Variants in LTF observed in about 807,000 individuals in gnomAD.
LTF encodes the protein lactotransferrin, also known as epididymis luminal protein 110.
Under a neutral mutation model 87.2 loss-of-function variants are expected in LTF, and 91 were observed. The observed-to-expected ratio is 1.04, with a 90% CI of 0.88 to 1.24. LTF has a LOEUF of 1.24. Among genes scored for constraint, LTF ranks in the 50% most tolerant of loss-of-function variants. LTF has a pLI of 0.00. For missense variants in LTF, 901 were observed against 904.3 expected, an observed-to-expected ratio of 1.00 and a Z score of 0.05; for synonymous variants, 378 against 356.1, an observed-to-expected ratio of 1.06 and a Z score of -0.69.
At chr3:46,440,703 A>C in intron 14 of LTF, among the ~76,000 whole-genome samples, 1 of 152,236 alleles carries the variant, frequency 6.6e-6, no homozygotes, top group East Asian at 1.9e-4. Flanking sequence ...AGTGGCTGAG[A>C]CTGCAGTGAT....
chr3:46,449,103 C>G lies in LTF; in HGVS notation c.1058-86G>C, dbSNP rs950114574. 3 of 1,311,124 alleles carry G rather than the reference C, an allele frequency of 2.3e-6. No homozygotes were observed. In the African/African-American group the frequency reaches 4.4e-5, roughly 19 times the overall value. 81.2% of individuals were successfully genotyped at this position (1,311,124 alleles called of 1,614,324 possible). ...CCCCAGAGCCAGGGTCCTGCCCAGACTCTCCCTGGAACAGGAGCTACAGTA... is the reference window on the plus strand; with the variant it reads ...CCCCAGAGCCAGGGTCCTGCCCAGAGTCTCCCTGGAACAGGAGCTACAGTA... On this transcript the variant is annotated intron_variant, in intron 8 of 16. Coordinates refer to ENST00000231751, the MANE Select transcript of LTF (RefSeq NM_002343.6).
rs139895902 is a variant in LTF at position 46,455,323 on chromosome 3, G to A, written c.619C>T (p.Pro207Ser). ...ENKCAFSSQE[P>S]YFSYSGAFKC... Reference sequence around the variant, plus strand: ...AAGGCACCAGAGTAGCTGAAGTACGGTTCCTGGGAGGAGAAGGCACATTTG... The same window carrying A: ...AAGGCACCAGAGTAGCTGAAGTACGATTCCTGGGAGGAGAAGGCACATTTG... Residue 207 changes from proline (P) to serine (S), a missense_variant, in exon 5 of 17, where the codon CCG becomes TCG. Pro to Ser is a moderately conservative substitution (Grantham distance 74). Coordinates refer to ENST00000231751, the MANE Select transcript of LTF (RefSeq NM_002343.6). 2 of 1,614,252 alleles carry A rather than the reference G, an allele frequency of 1.2e-6. No individual in the cohort carries two copies. The highest frequency in any genetic ancestry group is 1.1e-5 in the South Asian group (1 of 91,092).
intron 1 of LTF, among the ~76,000 whole-genome samples, chr3:46,482,574 GGAAAGGA>G (rs1575330698): frequency 9.0e-6 from 1 of 110,632 alleles, no homozygotes; most frequent in African/African-American, 3.1e-5. Context: ...GGAAGGGAAA[GGAAAGGA>G]AGGGAGAAAG....
chr3:46,448,869 C>T lies in LTF; in HGVS notation c.1206G>A (p.Leu402=). Reference sequence around the variant, plus strand: ...CTGTGATGGAGCTCCCTACCAGCACCAGGGCGATGCAGTCCTCTGTGGTGG... The same window carrying T: ...CTGTGATGGAGCTCCCTACCAGCACTAGGGCGATGCAGTCCTCTGTGGTGG... ...SASTTEDCIA[L]VLKGEADAMS... Residue 402 remains leucine (L), a synonymous_variant, in exon 9 of 17, where the codon CTG becomes CTA. Coordinates refer to ENST00000231751, the MANE Select transcript of LTF (RefSeq NM_002343.6). 6.2e-7 allele frequency: 1 copy of T among 1,612,666 alleles called. No individual in the cohort carries two copies. The highest frequency in any genetic ancestry group is 8.5e-7 in the Non-Finnish European group (1 of 1,179,630).
Position 46,456,274 on chromosome 3 carries a change from C to A in LTF, c.316+16G>T. 6.2e-7 allele frequency: 1 copy of A among 1,611,574 alleles called. No individual in the cohort carries two copies. Among genetic ancestry groups the A allele is most frequent in the Admixed American group, 1.7e-5 (1 of 60,006 alleles). On this transcript the variant is annotated intron_variant, in intron 3 of 16. Coordinates refer to ENST00000231751, the MANE Select transcript of LTF (RefSeq NM_002343.6). ...CTGAGGCCACCGTGGCCTCTGGGTC[C>A]CCAGGCAGAACTCACGTCTTTCGGT...
intron 1 of LTF, among the ~76,000 whole-genome samples, chr3:46,478,410 C>A (rs1330389762): frequency 6.6e-6 from 1 of 152,192 alleles, no homozygotes; most frequent in Non-Finnish European, 1.5e-5. Context: ...GGCTGAAGGT[C>A]GCTATGTTGG....
chr3:46,462,719 G>A (rs765144037), intron 1 of LTF, among the ~76,000 whole-genome samples: 2 of 152,150 alleles, frequency 1.3e-5, no homozygotes, highest in Non-Finnish European at 2.9e-5. Flanking sequence ...CTGGGAACAG[G>A]CAGAGAAGCT....
upstream of LTF, among the ~76,000 whole-genome samples, chr3:46,465,525 G>A (rs908076053): frequency 6.6e-5 from 10 of 152,104 alleles, no homozygotes; most frequent in African/African-American, 2.4e-4. Context: ...GAGGGGAATG[G>A]CCACCACCCA....
intron 6 of LTF, among the ~76,000 whole-genome samples, chr3:46,453,528 TGG>T (rs538443247): frequency 6.8e-4 from 104 of 151,922 alleles, no homozygotes; most frequent in Admixed American, 1.8e-3. Flanking sequence ...CTGGTGGTCC[TGG>T]GTGGATGTGG....
At chr3:46,485,228 G>C (rs1243659505) in exon 1 of LTF, 1 of 152,198 alleles carries the variant, frequency 6.6e-6, no homozygotes, top group Non-Finnish European at 1.5e-5. Context: ...AGCTGTGAAG[G>C]CCACGTCACC....
intron 2 of LTF, among the ~76,000 whole-genome samples, chr3:46,459,405 G>A (rs59952204): frequency 0.12 from 18,170 of 152,238 alleles, 1,301 homozygotes; most frequent in Admixed American, 0.21. Context: ...TGGAACAGTT[G>A]TTATTAATGA....
upstream of LTF, among the ~76,000 whole-genome samples, chr3:46,465,902 G>C (rs1436427907): frequency 7.5e-6 from 1 of 133,462 alleles, no homozygotes; most frequent in East Asian, 2.6e-4. Context: ...CACATTGGGG[G>C]CCTCAGAAAG....
At chr3:46,465,048 A>G, upstream of LTF, 1 of 648,008 alleles carries the variant, frequency 1.5e-6, no homozygotes, top group Non-Finnish European at 2.8e-6. Flanking sequence ...CTGAGGCAGG[A>G]CAGGACTCCA....
chr3:46,447,156 C>A, intron 10 of LTF, 152 bp downstream of exon 10: 1 of 636,884 alleles, frequency 1.6e-6, no homozygotes, highest in Non-Finnish European at 2.8e-6. Context: ...TTGTGGGTAA[C>A]ACGGCCCCTT....
chr3:46,444,988 C>A (rs1008100846), intron 12 of LTF, among the ~76,000 whole-genome samples: 3 of 152,226 alleles, frequency 2.0e-5, no homozygotes, highest in Non-Finnish European at 4.4e-5. Context: ...AGGTAAAAAG[C>A]ATTTGCACAT....
chr3:46,445,868 A>G (rs1468208037), intron 11 of LTF, among the ~76,000 whole-genome samples: 2 of 152,250 alleles, frequency 1.3e-5, no homozygotes, highest in Admixed American at 1.3e-4. Context: ...GTACAGGGGC[A>G]CATGTCCCCA....
At chr3:46,479,956 G>T (rs183118629) in intron 1 of LTF, among the ~76,000 whole-genome samples, 1 of 152,342 alleles carries the variant, frequency 6.6e-6, no homozygotes, top group East Asian at 1.9e-4. Flanking sequence ...AAGGAGAGAG[G>T]TGGATGATGG....
chr3:46,474,819 G>T (rs1703338955), intron 1 of LTF, among the ~76,000 whole-genome samples: 1 of 152,218 alleles, frequency 6.6e-6, no homozygotes, highest in Admixed American at 6.5e-5. Context: ...TCTCCAAACA[G>T]TTAGAAACTA....
intron 15 of LTF, 71 bp from the exon 16 acceptor site, chr3:46,438,200 T>C: frequency 7.8e-7 from 1 of 1,274,192 alleles, no homozygotes; most frequent in South Asian, 1.3e-5. Flanking sequence ...GGCAAAGGGG[T>C]ATTTCTTCCA....
Sources: gnomAD v4.1 joint callset for allele counts (sites outside exome capture counted in the v4.1 genomes callset) on GRCh38, gnomAD v4.1.1 for gene constraint, MANE v1.5 for transcripts, NCBI Gene and HGNC (gene_info 2026-07-23, HGNC 2026-07-21) for gene names.